The following PPFIBP2 variants were observed in gnomAD, a reference collection of about 807,000 sequenced individuals.
PPFIBP2 encodes the protein liprin-beta-2.
Under a neutral mutation model 118.3 loss-of-function variants are expected in PPFIBP2, and 118 were observed. The ratio of observed to expected loss-of-function variants is 1.00; its 90% CI spans 0.86 to 1.16. The LOEUF is 1.16. Among genes scored for constraint, PPFIBP2 ranks in the 50% most tolerant of loss-of-function variants. PPFIBP2 has a pLI of 0.00. For missense variants in PPFIBP2, 1,195 were observed against 1,073.1 expected, an observed-to-expected ratio of 1.11 and a Z score of -1.59; for synonymous variants, 414 against 397.4, an observed-to-expected ratio of 1.04 and a Z score of -0.50.
intron 2 of PPFIBP2, among the ~76,000 whole-genome samples, chr11:7,553,825 T>C (rs1443089176): frequency 6.6e-6 from 1 of 152,220 alleles, no homozygotes; most frequent in Non-Finnish European, 1.5e-5. Context: ...CATCTGAGTC[T>C]CTTCCAGGCT....
the PPFIBP2 span, chr11:7,666,380 C>CAGAG: frequency 5.1e-6 from 5 of 976,422 alleles, no homozygotes; most frequent in Admixed American, 1.8e-5. Context: ...AACAAAGAGA[C>CAGAG]AGAGACCAGT....
rs148147894 is a variant in PPFIBP2 at position 7,542,978 on chromosome 11, C to T, written c.-36-6462C>T. Among the ~76,000 whole-genome samples, 614 of 152,328 alleles carry T rather than the reference C, an allele frequency of 4.0e-3. 4 individuals are homozygous for T. Among genetic ancestry groups the T allele is most frequent in the African/African-American group, 0.014 (580 of 41,564 alleles). On this transcript the variant is annotated intron_variant, in intron 1 of 23. Coordinates refer to ENST00000299492, the MANE Select transcript of PPFIBP2 (RefSeq NM_003621.5). ...CTAAAAGAGGTTAAAAGACTCACAG[C>T]CATTATGCAGCAGAGCCCATGTTTT... is the stretch of plus-strand genomic sequence containing the variant.
intron 10 of PPFIBP2, among the ~76,000 whole-genome samples, chr11:7,630,623 T>C (rs887057526): frequency 2.0e-5 from 3 of 152,224 alleles, no homozygotes; most frequent in African/African-American, 7.2e-5. Context: ...CACAGCCATC[T>C]TTTTAAGATC....
intron 1 of PPFIBP2, among the ~76,000 whole-genome samples, chr11:7,544,742 C>T (rs1852143840): frequency 6.8e-6 from 1 of 148,028 alleles, no homozygotes; most frequent in East Asian, 2.0e-4. Flanking sequence ...CCACTGCACT[C>T]CAGCCTGGGC....
At chr11:7,515,401 G>A (rs1849145404) in intron 1 of PPFIBP2, among the ~76,000 whole-genome samples, 1 of 152,174 alleles carries the variant, frequency 6.6e-6, no homozygotes, top group Admixed American at 6.5e-5. Flanking sequence ...AGGGAGATGC[G>A]CTTTGACTTT....
At chr11:7,625,920 G>A in intron 8 of PPFIBP2, 29 bp downstream of exon 8, 11 of 1,571,764 alleles carry the variant, frequency 7.0e-6, no homozygotes, top group Non-Finnish European at 9.6e-6. Context: ...ACAAAATGCA[G>A]TTGTCTGGGT....
At chr11:7,577,496 A>T in intron 3 of PPFIBP2, 2 of 446,396 alleles carry the variant, frequency 4.5e-6, no homozygotes. Flanking sequence ...TTGAGGGGGG[A>T]GGGGGCAGAG....
At chr11:7,650,815 C>T in intron 21 of PPFIBP2, 25 bp from the exon 22 acceptor site, 3 of 1,611,388 alleles carry the variant, frequency 1.9e-6, no homozygotes, top group Non-Finnish European at 2.5e-6. Context: ...GCCTAACTTC[C>T]TCACTCTCCT....
chr11:7,659,868 C>T, downstream of PPFIBP2, among the ~76,000 whole-genome samples: 1 of 111,990 alleles, frequency 8.9e-6, no homozygotes, highest in Non-Finnish European at 2.1e-5. Context: ...CTTCACATCC[C>T]TTGTAAGTTG....
chr11:7,520,885 G>A (rs1231414337), intron 1 of PPFIBP2, among the ~76,000 whole-genome samples: 2 of 152,168 alleles, frequency 1.3e-5, no homozygotes, highest in Non-Finnish European at 2.9e-5. Flanking sequence ...TAGGAAAGGT[G>A]GGCTTTATCC....
At chr11:7,625,696 G>A in intron 7 of PPFIBP2, 81 bp from the exon 8 acceptor site, 1 of 1,112,056 alleles carries the variant, frequency 9.0e-7, no homozygotes, top group South Asian at 1.3e-5. Flanking sequence ...TGCCTGATGG[G>A]GTCTGGACTC....
At chr11:7,617,618 A>T (rs908362962) in intron 6 of PPFIBP2, among the ~76,000 whole-genome samples, 1 of 152,148 alleles carries the variant, frequency 6.6e-6, no homozygotes, top group South Asian at 2.1e-4. Flanking sequence ...CTTCTCAGGT[A>T]TGTGACTCAG....
chr11:7,641,399 G>T, intron 15 of PPFIBP2, 80 bp from the exon 16 acceptor site: 3 of 1,491,582 alleles, frequency 2.0e-6, no homozygotes, highest in South Asian at 1.2e-5. Context: ...CCCACTGAAG[G>T]GGAGGGCCCA....
intron 8 of PPFIBP2, among the ~76,000 whole-genome samples, chr11:7,626,752 C>A (rs144961544): frequency 7.1e-4 from 108 of 152,336 alleles, no homozygotes; most frequent in Non-Finnish European, 1.3e-3. Context: ...TCAACTTGTC[C>A]ACTGACTACC....
chr11:7,615,376 T>A (rs780353116), intron 6 of PPFIBP2, among the ~76,000 whole-genome samples: 92 of 146,988 alleles, frequency 6.3e-4, no homozygotes, highest in Non-Finnish European at 1.2e-3. Context: ...TAAGTTGAAA[T>A]GCCAAGCCTG....
chr11:7,639,934 A>G lies in PPFIBP2; in HGVS notation c.1375+64A>G, dbSNP rs1851935759. The G allele has an allele frequency of 3.2e-6, 5 of 1,558,214 alleles. No individual in the cohort carries two copies. The South Asian group carries it at 3.7e-5, about 11-fold the overall frequency. On this transcript the variant is annotated intron_variant, in intron 15 of 23. Coordinates refer to ENST00000299492, the MANE Select transcript of PPFIBP2 (RefSeq NM_003621.5). ...TGTCCTTGGCACTTTCAATGATTGT[A>G]TAAGATCCCTGCACCTACCACCACA...
chr11:7,552,651 G>A (rs969793271), intron 2 of PPFIBP2, among the ~76,000 whole-genome samples: 8 of 152,140 alleles, frequency 5.3e-5, no homozygotes, highest in Non-Finnish European at 4.4e-5. Flanking sequence ...AAAGTTTAAA[G>A]CCCTTACCAC....
At chr11:7,657,482 G>A (rs1204543988), downstream of PPFIBP2, among the ~76,000 whole-genome samples, 1 of 152,136 alleles carries the variant, frequency 6.6e-6, no homozygotes, top group East Asian at 1.9e-4. Context: ...CTGACACACA[G>A]CCTCCTCCCA....
chr11:7,526,637 C>T (rs539829016), intron 1 of PPFIBP2, among the ~76,000 whole-genome samples: 7 of 152,070 alleles, frequency 4.6e-5, no homozygotes, highest in East Asian at 1.9e-4. Context: ...TTTGGGAGGC[C>T]GAGGGTGGGC....
Sources: allele counts gnomAD v4.1 joint callset (sites outside exome capture counted in the v4.1 genomes callset), GRCh38; gene constraint gnomAD v4.1.1; transcripts MANE v1.5; gene names NCBI Gene and HGNC (gene_info 2026-07-23, HGNC 2026-07-21).